The following EVI5 variants were observed in gnomAD, a reference collection of about 807,000 sequenced individuals.
EVI5 encodes the protein ecotropic viral integration site 5 protein homolog.
EVI5 carries 73 observed loss-of-function variants against 112.0 expected under a neutral mutation model. The observed-to-expected ratio is 0.65, with a 90% CI of 0.54 to 0.79. The LOEUF is 0.79. Among genes scored for constraint, EVI5 ranks in the 30% least tolerant of loss-of-function variants. The pLI is 0.00. For missense variants in EVI5, 900 were observed against 968.8 expected (o/e 0.93, Z 0.94); for synonymous variants, 305 against 319.9 (o/e 0.95, Z 0.50).
At chr1:92,616,828 C>T (rs1436720083) in intron 16 of EVI5, among the ~76,000 whole-genome samples, 2 of 152,154 alleles carry the variant, frequency 1.3e-5, no homozygotes, top group Non-Finnish European at 2.9e-5. Flanking sequence ...CCTGAACTGC[C>T]TATCATGAAC....
intron 19 of EVI5, among the ~76,000 whole-genome samples, chr1:92,561,609 C>T (rs879678385): frequency 0.16 from 2,956 of 18,288 alleles, 44 homozygotes; most frequent in Middle Eastern, 0.21. Context: ...CTAATCTATC[C>T]TATCTATCTA....
intron 18 of EVI5, among the ~76,000 whole-genome samples, chr1:92,567,926 T>C (rs940392760): frequency 6.6e-6 from 1 of 152,158 alleles, no homozygotes; most frequent in Non-Finnish European, 1.5e-5. Context: ...GTTAGAAATA[T>C]TAGTTTGACC....
intron 16 of EVI5, among the ~76,000 whole-genome samples, chr1:92,610,422 T>C (rs115394440): frequency 0.013 from 1,951 of 152,106 alleles, 47 homozygotes; most frequent in African/African-American, 0.044. Flanking sequence ...GGTTGATAAA[T>C]AATACACATA....
At chr1:92,586,275 T>C (rs3898498) in intron 18 of EVI5, among the ~76,000 whole-genome samples, 140,198 of 152,194 alleles carry the variant, frequency 0.92, 64,661 homozygotes, top group East Asian at 0.97. Flanking sequence ...GTGCAGCCCA[T>C]GCTTATGGAG....
At position 92,722,314 on chromosome 1, in the gene EVI5, A is replaced by T. The variant is rs577915613; in HGVS notation, c.149+14084T>A. Reference sequence around the variant, plus strand: ...ATCCTTTGATCAATATCTTTTTTTTAAATTTTATTATTATTAGACTTTTAA... The same window carrying T: ...ATCCTTTGATCAATATCTTTTTTTTTAATTTTATTATTATTAGACTTTTAA... On this transcript the variant is annotated intron_variant, in intron 2 of 19. Transcript: ENST00000684568. Among the ~76,000 whole-genome samples, 81 of 151,954 alleles carry T rather than the reference A, an allele frequency of 5.3e-4. 1 individual carries two copies. The highest frequency in any genetic ancestry group is 1.3e-3 in the African/African-American group (55 of 41,454).
intron 11 of EVI5, among the ~76,000 whole-genome samples, chr1:92,665,163 C>A (rs551419975): frequency 7.2e-5 from 11 of 152,188 alleles, no homozygotes; most frequent in South Asian, 2.1e-4. Context: ...CAAGATTGAG[C>A]CACTGCACTC....
chr1:92,718,811 GAAGAA>G (rs1674231908), intron 2 of EVI5, among the ~76,000 whole-genome samples: 1 of 151,976 alleles, frequency 6.6e-6, no homozygotes, highest in Non-Finnish European at 1.5e-5. Flanking sequence ...GATTAATAAA[GAAGAA>G]AAGAGAGAAG....
chr1:92,668,020 CAG>C (rs1163428189), intron 10 of EVI5, among the ~76,000 whole-genome samples: 1 of 152,150 alleles, frequency 6.6e-6, no homozygotes, highest in East Asian at 1.9e-4. Flanking sequence ...ATGTCTGTCT[CAG>C]AAAATTCTTC....
intron 1 of EVI5, among the ~76,000 whole-genome samples, chr1:92,766,466 G>A (rs1682658613): frequency 1.3e-5 from 2 of 152,142 alleles, no homozygotes; most frequent in South Asian, 4.1e-4. Flanking sequence ...TTAAATTTCA[G>A]TATACACAAT....
chr1:92,513,822 C>A lies in EVI5; in HGVS notation c.2315G>T (p.Gly772Val), dbSNP rs748146159. The change falls in exon 20 of 20, where the codon GGT becomes GTT. Residue 772 changes from glycine (G) to valine (V), a missense_variant. Physicochemically the swap from Gly to Val is moderately radical, Grantham distance 109. Coordinates refer to ENST00000684568, the MANE Select transcript of EVI5 (RefSeq NM_001350197.2). ...ACCAGATTTTCCGTGCAAAGGAAAA[C>A]CAACACCAGTTTCCTGTAAGGAATT... ...IDNSLQETGV[G>V]FPLHGKSGSM... 6.2e-7 allele frequency: 1 copy of A among 1,613,610 alleles called. No homozygotes were observed. Among genetic ancestry groups the A allele is most frequent in the South Asian group, 1.1e-5 (1 of 91,026 alleles).
intron 19 of EVI5, among the ~76,000 whole-genome samples, chr1:92,552,976 A>G (rs1323659969): frequency 6.6e-6 from 1 of 152,044 alleles, no homozygotes; most frequent in Non-Finnish European, 1.5e-5. Context: ...TGTTTTCATT[A>G]ACAAGTTAAA....
intron 14 of EVI5, among the ~76,000 whole-genome samples, chr1:92,632,068 T>C (rs1657281113): frequency 6.6e-6 from 1 of 152,180 alleles, no homozygotes; most frequent in African/African-American, 2.4e-5. Context: ...GATGTGCTGC[T>C]GGATTCGGTT....
chr1:92,692,840 TATC>T (rs1190591429), intron 9 of EVI5, among the ~76,000 whole-genome samples: 1 of 152,220 alleles, frequency 6.6e-6, no homozygotes. Flanking sequence ...ACAGTACTGT[TATC>T]ATTTTAAAGC....
intron 6 of EVI5, among the ~76,000 whole-genome samples, chr1:92,696,910 G>A (rs1333923355): frequency 6.6e-6 from 1 of 151,932 alleles, no homozygotes; most frequent in East Asian, 1.9e-4. Context: ...CGTGGTGGCA[G>A]GCACCTGTAG....
At chr1:92,639,855 C>T (rs1364677796) in intron 13 of EVI5, among the ~76,000 whole-genome samples, 1 of 152,178 alleles carries the variant, frequency 6.6e-6, no homozygotes, top group African/African-American at 2.4e-5. Context: ...ATCACGCTAC[C>T]TGACTTCAAA....
intron 19 of EVI5, among the ~76,000 whole-genome samples, chr1:92,555,572 G>A (rs543801116): frequency 5.9e-5 from 9 of 152,242 alleles, no homozygotes; most frequent in Non-Finnish European, 8.8e-5. Flanking sequence ...AAGCATGGCC[G>A]GGCGTGGTGG....
intron 18 of EVI5, among the ~76,000 whole-genome samples, chr1:92,564,160 T>A (rs1040056855): frequency 7.0e-4 from 107 of 152,136 alleles, no homozygotes; most frequent in African/African-American, 2.5e-3. Context: ...TGACCTCAGG[T>A]GTGATTATTT....
At chr1:92,788,506 A>C (rs113616379), upstream of EVI5, among the ~76,000 whole-genome samples, 11,211 of 149,982 alleles carry the variant, frequency 0.075, 1,129 homozygotes, top group African/African-American at 0.23. Flanking sequence ...CAAAACAAAA[A>C]AAAAACTAGG....
At chr1:92,598,491 T>C (rs1364377801) in intron 18 of EVI5, among the ~76,000 whole-genome samples, 1 of 152,128 alleles carries the variant, frequency 6.6e-6, no homozygotes, top group African/African-American at 2.4e-5. Flanking sequence ...GAATGTTATT[T>C]AAGGTAAAAA....
Sources: gnomAD v4.1 joint callset for allele counts (sites outside exome capture counted in the v4.1 genomes callset) on GRCh38, gnomAD v4.1.1 for gene constraint, MANE v1.5 for transcripts, NCBI Gene and HGNC (gene_info 2026-07-23, HGNC 2026-07-21) for gene names.